Variants in WDR35 observed in about 807,000 individuals in gnomAD.
WDR35 encodes the protein WD repeat domain 35, also known as WD repeat-containing protein 35.
In WDR35, 118 loss-of-function variants were observed where a neutral mutation model predicts 158.3. The ratio of observed to expected loss-of-function variants is 0.75; its 90% CI spans 0.64 to 0.87. The LOEUF is 0.87. WDR35 is among the 40% of genes least tolerant of loss of function. WDR35 has a pLI of 0.00. For synonymous variants in WDR35, 448 were observed against 476.1 expected (o/e 0.94, Z 0.77); for missense variants, 1,263 against 1,405.8 (o/e 0.90, Z 1.62).
In WDR35 at chr2:19,913,573, A is replaced by G; in HGVS notation, c.3498T>C (p.His1166=). Residue 1166 remains histidine (H), a synonymous_variant, in exon 27 of 27, where the codon CAT becomes CAC. Transcript: ENST00000281405. The part of the protein sequence containing the change: ...ISHYSFCPLC[H]SPVG ...TATCATTCCTTTATCCCACTGGACT[A>G]TGGCATAAGGGGCAGAAGCTGTAGT... The G allele has an allele frequency of 6.2e-7, 1 of 1,614,110 alleles. No individual in the cohort carries two copies.
At chr2:19,948,130 T>A in intron 14 of WDR35, 34 bp downstream of exon 14, 1 of 1,526,838 alleles carries the variant, frequency 6.5e-7, no homozygotes, top group Non-Finnish European at 8.9e-7. Context: ...TTTAAAGAAT[T>A]ATTATTCATA....
At chr2:19,976,416 C>G (rs1672213160) in intron 5 of WDR35, among the ~76,000 whole-genome samples, 1 of 152,200 alleles carries the variant, frequency 6.6e-6, no homozygotes, top group African/African-American at 2.4e-5. Context: ...TCCATTGAAA[C>G]TGCCTACAAC....
rs1012316611 is a variant in WDR35, at chr2:19,930,659, T to G, written c.2965-107A>C. On this transcript the variant is annotated intron_variant, in intron 24 of 26. Transcript: ENST00000281405. Reference sequence around the variant, plus strand: ...GTATCTAAATGAGCAGATTTTATCATTACAAAACTATGATTACAGACTTTT... The same window carrying G: ...GTATCTAAATGAGCAGATTTTATCAGTACAAAACTATGATTACAGACTTTT... 9 of 1,518,142 alleles carry G rather than the reference T, an allele frequency of 5.9e-6. No individual in the cohort carries two copies. The East Asian group carries it at 2.0e-4, about 34-fold the overall frequency. 94.0% of individuals were successfully genotyped at this position (1,518,142 alleles called of 1,614,324 possible). A position where few individuals can be genotyped will look rare whatever the true frequency, so the allele number is the denominator to read the frequency against.
At chr2:19,930,295 A>G (rs1011014944) in intron 25 of WDR35, 101 bp downstream of exon 25, 5 of 1,540,268 alleles carry the variant, frequency 3.2e-6, no homozygotes, top group African/African-American at 2.7e-5. Flanking sequence ...CATAGGAAAA[A>G]ATGTTATTGA....
At chr2:19,964,350 CT>C (rs996279668) in intron 10 of WDR35, among the ~76,000 whole-genome samples, 6 of 138,974 alleles carry the variant, frequency 4.3e-5, no homozygotes, top group African/African-American at 1.3e-4. Flanking sequence ...CCTGTTCACT[CT>C]TTTTTTTTCT....
intron 25 of WDR35, among the ~76,000 whole-genome samples, chr2:19,926,507 C>T (rs906040137): frequency 3.3e-5 from 5 of 152,354 alleles, no homozygotes; most frequent in Non-Finnish European, 7.3e-5. Context: ...TCATTCTACA[C>T]AGTTAATTGA....
At chr2:19,944,803 A>G (rs1410015220) in intron 16 of WDR35, among the ~76,000 whole-genome samples, 1 of 152,090 alleles carries the variant, frequency 6.6e-6, no homozygotes, top group African/African-American at 2.4e-5. Context: ...TGTGAAAATA[A>G]TTTAGGATAT....
chr2:19,968,921 C>T (rs1472599656), intron 9 of WDR35, among the ~76,000 whole-genome samples: 2 of 152,210 alleles, frequency 1.3e-5, no homozygotes, highest in South Asian at 4.1e-4. Flanking sequence ...CTACGAACTC[C>T]GTCACCTGGG....
At chr2:19,964,414 T>G (rs1282314743) in intron 10 of WDR35, among the ~76,000 whole-genome samples, 85 of 147,696 alleles carry the variant, frequency 5.8e-4, no homozygotes, top group Non-Finnish European at 1.0e-3. Context: ...GACAGAGTCT[T>G]ACTCTGTCTC....
chr2:19,946,655 T>C (rs1046254349), intron 14 of WDR35, 85 bp from the exon 15 acceptor site: 2 of 1,332,026 alleles, frequency 1.5e-6, no homozygotes, highest in African/African-American at 2.9e-5. Context: ...GTCTATACAT[T>C]TGTCTTAAAA....
rs533785134 is a variant in WDR35 at position 19,948,739 on chromosome 2, A to T, written c.1471-522T>A. 3.9e-5 allele frequency among the ~76,000 whole-genome samples: 6 copies of T among 152,288 alleles called. No homozygotes were observed. In the South Asian group the frequency reaches 1.2e-3, roughly 32 times the overall value. ...TCCATAAAACATTCTCAAAGTAACA[A>T]AACTATAGAGATGGAGAACATATTA... On this transcript the variant is annotated intron_variant, in intron 13 of 26. Coordinates refer to ENST00000281405, the MANE Select transcript of WDR35 (RefSeq NM_020779.4).
intron 5 of WDR35, among the ~76,000 whole-genome samples, chr2:19,977,668 C>T (rs187722681): frequency 3.3e-5 from 5 of 152,260 alleles, no homozygotes; most frequent in East Asian, 3.9e-4. Context: ...TATCACATTG[C>T]TCCCATTCTT....
At chr2:19,964,480 T>C (rs931042877) in intron 10 of WDR35, among the ~76,000 whole-genome samples, 1 of 148,618 alleles carries the variant, frequency 6.7e-6, no homozygotes, top group Non-Finnish European at 1.5e-5. Context: ...GCGTCCTGGG[T>C]TCAAGCAATT....
intron 7 of WDR35, 108 bp downstream of exon 7, chr2:19,974,360 G>A (rs2103455006): frequency 8.6e-7 from 1 of 1,169,466 alleles, no homozygotes; most frequent in African/African-American, 1.6e-5. Flanking sequence ...CGTGAGCCAA[G>A]ATCGTGCCAC....
Position 19,914,203 on chromosome 2 carries a change from C to T in WDR35, c.3196G>A (p.Ala1066Thr), listed in dbSNP as rs772921417. ...IYSLLALCAC[A>T]SRAFGTCSKA... ...GAACAAGTCCCAAAGGCTCTGCTGG[C>T]GCATGCGCAGAGTGCTAGCAGAGAG... The change falls in exon 26 of 27, where the codon GCC (alanine) becomes ACC (threonine). Residue 1066 changes from alanine (A) to threonine (T), a missense_variant. Ala to Thr is a moderately conservative substitution (Grantham distance 58, BLOSUM62 0). Transcript: ENST00000281405. 14 of 1,614,032 alleles carry T rather than the reference C, an allele frequency of 8.7e-6. No individual in the cohort carries two copies. The highest frequency in any genetic ancestry group is 4.5e-5 in the East Asian group (2 of 44,892).
At chr2:19,920,104 A>T (rs1488486396) in intron 25 of WDR35, among the ~76,000 whole-genome samples, 3 of 152,216 alleles carry the variant, frequency 2.0e-5, no homozygotes, top group Non-Finnish European at 4.4e-5. Context: ...CACCAACCAA[A>T]AAAAGTCCAG....
rs2103426614 is a variant in WDR35, at chr2:19,953,881, T to A, written c.1353A>T (p.Ala451=). 1 of 1,614,172 alleles carries A rather than the reference T, an allele frequency of 6.2e-7. No individual in the cohort carries two copies. The highest frequency in any genetic ancestry group is 8.5e-7 in the Non-Finnish European group (1 of 1,180,006). ...ACCGTGTGATCTGATTAATTTCCAA[T>A]GCTGTGAGCTTCTTTGCCACACGAT... ...WQYRVAKKLT[A]LEINQITRSR... Residue 451 remains alanine (A), a synonymous_variant, in exon 12 of 27, where the codon GCA becomes GCT. Transcript: ENST00000281405.
intron 16 of WDR35, among the ~76,000 whole-genome samples, chr2:19,943,545 A>T (rs976985810): frequency 2.6e-5 from 4 of 152,156 alleles, no homozygotes; most frequent in African/African-American, 9.6e-5. Flanking sequence ...TAGGTCATGT[A>T]AATAATTTCT....
Position 19,937,866 on chromosome 2 carries a change from T to G in WDR35, c.2144A>C (p.Gln715Pro). ...CAAGCGCTTCACAAACTTAATGCCTTGGTAATCTTTGCAGCGCACAAATGC... is the reference window on the plus strand; with the variant it reads ...CAAGCGCTTCACAAACTTAATGCCTGGGTAATCTTTGCAGCGCACAAATGC... ...EQAFVRCKDY[Q>P]GIKFVKRLGK... The change falls in exon 19 of 27, where the codon CAA becomes CCA. Residue 715 changes from glutamine to proline, a missense_variant. Gln to Pro is a moderately conservative substitution (Grantham distance 76). Coordinates refer to ENST00000281405, the MANE Select transcript of WDR35 (RefSeq NM_020779.4). 6.2e-7 allele frequency: 1 copy of G among 1,614,138 alleles called. No individual in the cohort carries two copies. The highest frequency in any genetic ancestry group is 8.5e-7 in the Non-Finnish European group (1 of 1,179,996).
Sources: allele counts gnomAD v4.1 joint callset (sites outside exome capture counted in the v4.1 genomes callset), GRCh38; gene constraint gnomAD v4.1.1; transcripts MANE v1.5; gene names NCBI Gene and HGNC (gene_info 2026-07-23, HGNC 2026-07-21).